Variants in STARD13 observed in about 807,000 individuals in gnomAD.
The protein encoded by STARD13 is StAR related lipid transfer domain containing 13, also known as stAR-related lipid transfer protein 13.
In STARD13, 62 loss-of-function variants were observed where a neutral mutation model predicts 106.4. That is an observed-to-expected ratio of 0.58 (90% confidence interval 0.48 to 0.72). The LOEUF (loss-of-function observed/expected upper bound fraction) is 0.72, where lower values mean the gene tolerates loss of function less well. STARD13 is among the 30% of genes least tolerant of loss of function. The pLI, the probability that STARD13 is intolerant of heterozygous loss-of-function variation, is 0.00. For synonymous variants in STARD13, 565 were observed against 553.0 expected (o/e 1.02, Z -0.31); for missense variants, 1,387 against 1,424.0 (o/e 0.97, Z 0.42).
chr13:33,644,911 A>G, the STARD13 span, among the ~76,000 whole-genome samples: 3 of 152,210 alleles, frequency 2.0e-5, no homozygotes, highest in Non-Finnish European at 4.4e-5. Flanking sequence ...GCATCATTAG[A>G]GTACAAAACC....
intron 1 of STARD13, among the ~76,000 whole-genome samples, chr13:33,305,294 C>T (rs1298074177): frequency 1.3e-5 from 2 of 152,144 alleles, no homozygotes; most frequent in African/African-American, 2.4e-5. Context: ...ACTAAGCACA[C>T]GAAGAACTGA....
chr13:33,103,235 A>G lies in STARD13; in HGVS notation c.*2358T>C, dbSNP rs1873297826. ...ATTGATATCAACAATTGAGGTAAAA[A>G]TATACATGAGGTATAAATATAATAT... is the stretch of plus-strand genomic sequence containing the variant. On this transcript the variant is annotated 3_prime_UTR_variant, in exon 14 of 14. Coordinates refer to ENST00000336934, the MANE Select transcript of STARD13 (RefSeq NM_178006.4). 1 of 152,688 alleles carries G rather than the reference A, an allele frequency of 6.5e-6. No homozygotes were observed. Among genetic ancestry groups the G allele is most frequent in the South Asian group, 2.1e-4 (1 of 4,834 alleles). 9.5% of individuals were successfully genotyped at this position (152,688 alleles called of 1,614,324 possible). A position where few individuals can be genotyped will look rare whatever the true frequency, so the allele number is the denominator to read the frequency against.
At chr13:33,140,722 T>C (rs1397066914) in intron 4 of STARD13, among the ~76,000 whole-genome samples, 1 of 152,168 alleles carries the variant, frequency 6.6e-6, no homozygotes, top group East Asian at 1.9e-4. Flanking sequence ...TTGGCTTTAA[T>C]GATTTCTCTG....
At chr13:33,444,437 T>C in the STARD13 span, among the ~76,000 whole-genome samples, 16 of 152,318 alleles carry the variant, frequency 1.1e-4, no homozygotes, top group Admixed American at 1.0e-3. Flanking sequence ...CAGTTCCTTC[T>C]TAATTAGCAG....
At chr13:33,609,803 C>A in the STARD13 span, among the ~76,000 whole-genome samples, 2 of 152,040 alleles carry the variant, frequency 1.3e-5, no homozygotes, top group Non-Finnish European at 1.5e-5. Flanking sequence ...CTCCTGACCT[C>A]GTGATCTGCC....
intron 3 of STARD13, among the ~76,000 whole-genome samples, chr13:33,143,848 G>T (rs1160170141): frequency 6.6e-6 from 1 of 152,176 alleles, no homozygotes; most frequent in Non-Finnish European, 1.5e-5. Flanking sequence ...ACCGCGCCCA[G>T]CTTGTTTCCA....
chr13:33,153,473 T>C (rs898645850), intron 3 of STARD13, among the ~76,000 whole-genome samples: 1 of 152,114 alleles, frequency 6.6e-6, no homozygotes, highest in Non-Finnish European at 1.5e-5. Flanking sequence ...TGGGCGACTG[T>C]GTGCCGGGAG....
chr13:33,151,185 A>G (rs1285809987), intron 3 of STARD13, among the ~76,000 whole-genome samples: 2 of 152,000 alleles, frequency 1.3e-5, no homozygotes, highest in African/African-American at 4.9e-5. Context: ...AATTGCAAAT[A>G]TATGAAAAGG....
At chr13:33,612,204 A>G in the STARD13 span, among the ~76,000 whole-genome samples, 1 of 152,182 alleles carries the variant, frequency 6.6e-6, no homozygotes, top group East Asian at 1.9e-4. Flanking sequence ...TCTTCTTCCA[A>G]GGGTCCCTGC....
At chr13:33,268,210 G>A (rs920204919) in intron 1 of STARD13, among the ~76,000 whole-genome samples, 1 of 152,144 alleles carries the variant, frequency 6.6e-6, no homozygotes, top group African/African-American at 2.4e-5. Flanking sequence ...CATTTGATCA[G>A]AAAACTCCCT....
intron 13 of STARD13, among the ~76,000 whole-genome samples, chr13:33,106,194 C>T (rs142414602): frequency 3.9e-5 from 6 of 152,188 alleles, no homozygotes; most frequent in African/African-American, 1.2e-4. Context: ...CTGAGGTGGG[C>T]GGATCACCTG....
intron 3 of STARD13, among the ~76,000 whole-genome samples, chr13:33,162,448 C>A (rs1349354751): frequency 1.3e-5 from 2 of 152,232 alleles, no homozygotes; most frequent in Admixed American, 1.3e-4. Context: ...AATTTCTCCT[C>A]AGAAAATGTG....
At chr13:33,482,499 TATAAAG>T in the STARD13 span, among the ~76,000 whole-genome samples, 6 of 152,200 alleles carry the variant, frequency 3.9e-5, no homozygotes, top group African/African-American at 1.4e-4. Context: ...AAAATAAGTA[TATAAAG>T]ATAGATTTTT....
At chr13:33,370,736 A>G in the STARD13 span, among the ~76,000 whole-genome samples, 37 of 149,934 alleles carry the variant, frequency 2.5e-4, 1 homozygote, top group Non-Finnish European at 5.5e-4. Flanking sequence ...CTCCCGCCTC[A>G]GCCTCCCAAG....
chr13:33,417,291 C>T, the STARD13 span, among the ~76,000 whole-genome samples: 1 of 152,184 alleles, frequency 6.6e-6, no homozygotes, highest in African/African-American at 2.4e-5. Context: ...TAAACTGGTG[C>T]AGCCATTTTG....
the STARD13 span, among the ~76,000 whole-genome samples, chr13:33,537,688 T>TA: frequency 3.4e-3 from 510 of 149,538 alleles, 11 homozygotes; most frequent in Admixed American, 0.025. Flanking sequence ...TTTACTGGCA[T>TA]AAAAAAAAAA....
the STARD13 span, among the ~76,000 whole-genome samples, chr13:33,573,467 G>A: frequency 1.3e-5 from 2 of 152,022 alleles, no homozygotes; most frequent in African/African-American, 4.8e-5. Flanking sequence ...TATTATTAAA[G>A]TCTCCATAAG....
In STARD13 at chr13:33,139,255, G is replaced by A. The variant is rs116691800; in HGVS notation, c.387+3055C>T. Among the ~76,000 whole-genome samples the A allele has an allele frequency of 1.9e-3, 294 of 152,344 alleles. 2 individuals carry two copies. Among genetic ancestry groups the A allele is most frequent in the African/African-American group, 6.9e-3 (288 of 41,580 alleles). On this transcript the variant is annotated intron_variant, in intron 4 of 13. Coordinates refer to ENST00000336934, the MANE Select transcript of STARD13 (RefSeq NM_178006.4). ...TCTCTGAATATCTCTGAAAGGTGAGGAGGATCAGTCCAGTGCCAGATTACC... is the reference window on the plus strand; with the variant it reads ...TCTCTGAATATCTCTGAAAGGTGAGAAGGATCAGTCCAGTGCCAGATTACC...
At chr13:33,525,382 A>C in the STARD13 span, among the ~76,000 whole-genome samples, 2 of 152,252 alleles carry the variant, frequency 1.3e-5, no homozygotes, top group Admixed American at 1.3e-4. Flanking sequence ...AACGATGTTC[A>C]TATAGAGCCA....
Sources: gnomAD v4.1 joint callset for allele counts (sites outside exome capture counted in the v4.1 genomes callset) on GRCh38, gnomAD v4.1.1 for gene constraint, MANE v1.5 for transcripts, NCBI Gene and HGNC (gene_info 2026-07-23, HGNC 2026-07-21) for gene names.